COL10A1: variants seen among roughly 807,000 people sequenced by gnomAD.
COL10A1 encodes the protein collagen alpha-1(X) chain.
COL10A1 carries 10 observed loss-of-function variants against 18.2 expected under a neutral mutation model. That is an observed-to-expected ratio of 0.55 (90% CI 0.34 to 0.93). The LOEUF is 0.93. Ranked by LOEUF, COL10A1 falls within the 40% of genes least tolerant of loss-of-function variation. The pLI, the probability that COL10A1 is intolerant of heterozygous loss-of-function variation, is 0.02. For synonymous variants in COL10A1, 330 were observed against 316.6 expected (o/e 1.04, Z -0.45); for missense variants, 897 against 853.5 (o/e 1.05, Z -0.64).
intron 1 of COL10A1, among the ~76,000 whole-genome samples, chr6:116,146,451 C>T (rs568829078): frequency 4.6e-5 from 7 of 152,140 alleles, no homozygotes; most frequent in Non-Finnish European, 1.0e-4. Context: ...AGTTGCTTTA[C>T]TCAAAATGGG....
chr6:116,176,772 G>A, the COL10A1 span, among the ~76,000 whole-genome samples: 2 of 152,020 alleles, frequency 1.3e-5, no homozygotes, highest in Admixed American at 6.6e-5. Flanking sequence ...AGGTAGCACC[G>A]AAGCACTGTG....
At chr6:116,122,817 G>T (rs923409788) in intron 2 of COL10A1, among the ~76,000 whole-genome samples, 3 of 152,110 alleles carry the variant, frequency 2.0e-5, no homozygotes, top group African/African-American at 7.2e-5. Flanking sequence ...TTCAGATTTA[G>T]ATTTTTTTTT....
the COL10A1 span, among the ~76,000 whole-genome samples, chr6:116,206,222 T>A: frequency 6.6e-6 from 1 of 152,016 alleles, no homozygotes; most frequent in Non-Finnish European, 1.5e-5. Flanking sequence ...TCGTGGTTAA[T>A]CAACTGCCTG....
intron 1 of COL10A1, among the ~76,000 whole-genome samples, chr6:116,153,312 A>G (rs150468573): frequency 1.8e-4 from 26 of 147,344 alleles, no homozygotes; most frequent in African/African-American, 5.1e-4. Flanking sequence ...GTTCTTACAC[A>G]GACTGCCCAT....
chr6:116,136,260 G>C (rs1042101638), intron 1 of COL10A1, among the ~76,000 whole-genome samples: 1 of 152,038 alleles, frequency 6.6e-6, no homozygotes. Context: ...GTCAAAAATA[G>C]CAGGATTTTC....
the COL10A1 span, among the ~76,000 whole-genome samples, chr6:116,181,217 AAACTT>A: frequency 6.6e-6 from 1 of 152,038 alleles, no homozygotes; most frequent in African/African-American, 2.4e-5. Context: ...ATGAAAAACT[AAACTT>A]AGGAATATCA....
Position 116,120,524 on chromosome 6 carries a change from C to T in COL10A1, c.1592G>A (p.Arg531Lys). 1 of 1,614,114 alleles carries T rather than the reference C, an allele frequency of 6.2e-7. No individual in the cohort carries two copies. The highest frequency in any genetic ancestry group is 8.5e-7 in the Non-Finnish European group (1 of 1,179,994). Reference protein sequence around the residue: ...MPEGFIKAGQRPSLSGTPLVS... With the variant: ...MPEGFIKAGQKPSLSGTPLVS... ...AAGAGGGGTCCCAGAAAGACTGGGC[C>T]TTTGGCCTGCCTTTATAAAACCCTC... is the stretch of plus-strand genomic sequence containing the variant. Residue 531 changes from arginine to lysine, a missense_variant, in exon 3 of 3, where the codon AGG becomes AAG. By Grantham distance (26) the Arg-to-Lys change is conservative. Transcript: ENST00000651968.
rs1465628466 is a variant in COL10A1, at chr6:116,121,298, C to T, written c.818G>A (p.Gly273Asp). 1 of 1,614,014 alleles carries T rather than the reference C, an allele frequency of 6.2e-7. No individual in the cohort carries two copies. Among genetic ancestry groups the T allele is most frequent in the Non-Finnish European group, 8.5e-7 (1 of 1,179,956 alleles). ...IGKPGAAGAP[G>D]QPGIPGTKGL... ...TTTTGTTCCTGGAATCCCTGGCTGG[C>T]CTGGGGCTCCAGCAGCTCCTGGCTT... The change falls in exon 3 of 3, where the codon GGC becomes GAC. Residue 273 changes from glycine (G) to aspartate (D), a missense_variant. Physicochemically the swap from Gly to Asp is moderately conservative, Grantham distance 94. Coordinates refer to ENST00000651968, the MANE Select transcript of COL10A1 (RefSeq NM_000493.4).
At chr6:116,211,881 T>A in the COL10A1 span, among the ~76,000 whole-genome samples, 1 of 152,068 alleles carries the variant, frequency 6.6e-6, no homozygotes, top group Non-Finnish European at 1.5e-5. Context: ...CTACACCTGC[T>A]CTGATCCCCC....
the COL10A1 span, among the ~76,000 whole-genome samples, chr6:116,201,868 C>G: frequency 9.2e-5 from 14 of 152,054 alleles, no homozygotes; most frequent in African/African-American, 3.4e-4. Context: ...ATTTCTGGAC[C>G]AAATCATGTT....
chr6:116,151,185 C>T lies in COL10A1; in HGVS notation c.-16+7429G>A, dbSNP rs73772289. The stretch of plus-strand genomic sequence containing the variant: ...GCTATCTAGCCCATATTCCTGCCAA[C>T]TTCAGTGCCTGCACCATCACTTATA... On this transcript the variant is annotated intron_variant, in intron 1 of 1. Coordinates refer to the COL10A1 transcript ENST00000418500. Among the ~76,000 whole-genome samples the T allele has an allele frequency of 2.0e-3, 304 of 152,288 alleles. 1 individual carries two copies. Among genetic ancestry groups the T allele is most frequent in the African/African-American group, 7.2e-3 (298 of 41,544 alleles).
chr6:116,206,376 G>T, the COL10A1 span, among the ~76,000 whole-genome samples: 2 of 151,982 alleles, frequency 1.3e-5, no homozygotes, highest in Non-Finnish European at 2.9e-5. Flanking sequence ...TTATAACTGT[G>T]ATCATTTTAT....
upstream of COL10A1, among the ~76,000 whole-genome samples, chr6:116,163,489 T>C (rs1780392201): frequency 6.6e-6 from 1 of 152,134 alleles, no homozygotes; most frequent in Admixed American, 6.5e-5. Flanking sequence ...CATTTCTGAT[T>C]GTGCTTATTT....
chr6:116,142,133 A>G (rs1222830879), intron 1 of COL10A1, among the ~76,000 whole-genome samples: 1 of 152,086 alleles, frequency 6.6e-6, no homozygotes, highest in Non-Finnish European at 1.5e-5. Flanking sequence ...TTTTGTAGGA[A>G]CTAAATGGAT....
chr6:116,182,484 C>G, the COL10A1 span, among the ~76,000 whole-genome samples: 3 of 152,068 alleles, frequency 2.0e-5, no homozygotes, highest in Non-Finnish European at 4.4e-5. Flanking sequence ...AGTGGTTGTA[C>G]TAGTTTACAT....
chr6:116,171,046 C>T, the COL10A1 span, among the ~76,000 whole-genome samples: 2 of 152,236 alleles, frequency 1.3e-5, no homozygotes, highest in South Asian at 4.1e-4. Context: ...ATTCACACAT[C>T]TCTCTGTTTT....
the COL10A1 span, among the ~76,000 whole-genome samples, chr6:116,214,980 G>A: frequency 6.6e-6 from 1 of 152,152 alleles, no homozygotes; most frequent in South Asian, 2.1e-4. Context: ...CTCTAGGGTG[G>A]GGGGCATAGG....
chr6:116,194,248 A>G, the COL10A1 span, among the ~76,000 whole-genome samples: 1 of 152,094 alleles, frequency 6.6e-6, no homozygotes, highest in Non-Finnish European at 1.5e-5. Context: ...GTTCTTTCAA[A>G]TGACGGAGTT....
At chr6:116,185,970 GATTT>G in the COL10A1 span, among the ~76,000 whole-genome samples, 2 of 151,972 alleles carry the variant, frequency 1.3e-5, no homozygotes, top group Non-Finnish European at 2.9e-5. Flanking sequence ...GATCCTGTGA[GATTT>G]ATGCTTTAAG....
Sources: allele counts gnomAD v4.1 joint callset (sites outside exome capture counted in the v4.1 genomes callset), GRCh38; gene constraint gnomAD v4.1.1; transcripts MANE v1.5; gene names NCBI Gene and HGNC (gene_info 2026-07-23, HGNC 2026-07-21).